The following CNTFR variants were observed in gnomAD, a reference collection of about 807,000 sequenced individuals.
CNTFR encodes ciliary neurotrophic factor receptor, also known as ciliary neurotrophic factor receptor subunit alpha.
Under a neutral mutation model 40.4 loss-of-function variants are expected in CNTFR, and 12 were observed. The observed-to-expected ratio is 0.30, with a 90% confidence interval of 0.19 to 0.48. The LOEUF (loss-of-function observed/expected upper bound fraction) is 0.48, where lower values mean the gene tolerates loss of function less well. Ranked by LOEUF, CNTFR falls within the 20% of genes least tolerant of loss-of-function variation. CNTFR has a pLI of 0.99. For missense variants in CNTFR, 414 were observed against 506.8 expected (o/e 0.82, Z 1.76); for synonymous variants, 202 against 209.6 (o/e 0.96, Z 0.31).
chr9:34,590,796 A>G (rs1180970580), upstream of CNTFR, among the ~76,000 whole-genome samples: 1 of 152,196 alleles, frequency 6.6e-6, no homozygotes, highest in Non-Finnish European at 1.5e-5. Context: ...GCAACATAGG[A>G]GAGTAAGGTT....
At chr9:34,577,833 G>A (rs1827060543) in intron 2 of CNTFR, among the ~76,000 whole-genome samples, 1 of 147,200 alleles carries the variant, frequency 6.8e-6, no homozygotes, top group African/African-American at 2.5e-5. Flanking sequence ...GAGAGACAGA[G>A]AAGAGAAAAG....
At position 34,570,725 on chromosome 9, in the gene CNTFR, G is replaced by A. The variant is rs1826569439; in HGVS notation, c.1-1744C>T. Among the ~76,000 whole-genome samples the A allele has an allele frequency of 2.0e-5, 3 of 152,182 alleles. No individual in the cohort carries two copies. In the South Asian group the frequency reaches 6.2e-4, roughly 32 times the overall value. The stretch of plus-strand genomic sequence containing the variant: ...AGCCAGACACACAGCCAGAAAAACT[G>A]ACAGAGACGCAGTGCCAGATATACC... On this transcript the variant is annotated intron_variant, in intron 2 of 9. Coordinates refer to ENST00000378980, the MANE Select transcript of CNTFR (RefSeq NM_147164.3).
At chr9:34,555,805 G>A (rs1387961494) in intron 7 of CNTFR, among the ~76,000 whole-genome samples, 1 of 152,038 alleles carries the variant, frequency 6.6e-6, no homozygotes, top group Non-Finnish European at 1.5e-5. Flanking sequence ...CAAGCCCAGA[G>A]CCTGGGCCAG....
chr9:34,576,025 C>T (rs940864572), intron 2 of CNTFR, among the ~76,000 whole-genome samples: 2 of 152,172 alleles, frequency 1.3e-5, no homozygotes, highest in Admixed American at 1.3e-4. Flanking sequence ...ACACACCAGC[C>T]ACTCAGGCCA....
chr9:34,559,626 T>TG (rs1197327290), intron 4 of CNTFR, among the ~76,000 whole-genome samples: 24 of 148,436 alleles, frequency 1.6e-4, no homozygotes, highest in African/African-American at 5.7e-4. Context: ...GGGGGTGGGG[T>TG]GGGGGGCGGC....
intron 1 of CNTFR, among the ~76,000 whole-genome samples, chr9:34,588,632 G>T (rs1827638289): frequency 6.6e-6 from 1 of 152,200 alleles, no homozygotes; most frequent in African/African-American, 2.4e-5. Flanking sequence ...TAGACGGAAA[G>T]AAAGAAAATC....
Position 34,557,843 on chromosome 9 carries a change from C to G in CNTFR, c.437+24G>C. 6.5e-7 allele frequency: 1 copy of G among 1,548,106 alleles called. No homozygotes were observed. The highest frequency in any genetic ancestry group is 1.4e-5 in the African/African-American group (1 of 73,502). On this transcript the variant is annotated intron_variant, in intron 5 of 9. Transcript: ENST00000378980. This position sits in a 1 kb window ranked among gnomAD's most constrained non-coding sequence, Gnocchi z 4.2. ...AGAGGTCAGAGGTCAGGGCTGGACC[C>G]GGGTCACAGGCGCAGCTACTCACAG...
intron 2 of CNTFR, among the ~76,000 whole-genome samples, chr9:34,579,244 T>C (rs1256645954): frequency 6.6e-6 from 1 of 152,008 alleles, no homozygotes; most frequent in Non-Finnish European, 1.5e-5. Flanking sequence ...GGATCCACGC[T>C]GCCTGATTAA....
chr9:34,564,507 G>A (rs2132159615), intron 4 of CNTFR, 92 bp downstream of exon 4: 2 of 1,179,324 alleles, frequency 1.7e-6, no homozygotes, highest in Non-Finnish European at 2.5e-6. Flanking sequence ...CCCTCTCCAT[G>A]TCCCCCTAAC....
At chr9:34,590,749 T>C (rs1021866592), upstream of CNTFR, among the ~76,000 whole-genome samples, 3 of 151,892 alleles carry the variant, frequency 2.0e-5, no homozygotes, top group Non-Finnish European at 2.9e-5. Context: ...GGGGCCGGGG[T>C]GTTCACTGCA....
intron 4 of CNTFR, among the ~76,000 whole-genome samples, chr9:34,563,110 G>A (rs755622935): frequency 5.3e-5 from 8 of 151,938 alleles, no homozygotes; most frequent in Non-Finnish European, 1.0e-4. Flanking sequence ...AATCCCAGAC[G>A]CTCAGACCCA....
At chr9:34,563,966 T>G (rs997615623) in intron 4 of CNTFR, among the ~76,000 whole-genome samples, 2 of 152,110 alleles carry the variant, frequency 1.3e-5, no homozygotes, top group African/African-American at 4.8e-5. Flanking sequence ...CCCCGTCCCT[T>G]CCTTCAGCTC....
chr9:34,581,044 C>T (rs1367773422), intron 2 of CNTFR, 51 bp downstream of exon 2: 1 of 152,534 alleles, frequency 6.6e-6, no homozygotes, highest in Non-Finnish European at 1.5e-5. Context: ...CCCCACTACA[C>T]CTGCCTGATT....
In CNTFR at chr9:34,564,739, T is replaced by C; in HGVS notation, c.179A>G (p.Asn60Ser). The C allele has an allele frequency of 6.2e-7, 1 of 1,614,010 alleles. No individual in the cohort carries two copies. Among genetic ancestry groups the C allele is most frequent in the Non-Finnish European group, 8.5e-7 (1 of 1,179,986 alleles). The change falls in exon 4 of 10, where the codon AAT becomes AGT. Residue 60 changes from asparagine to serine, a missense_variant. By Grantham distance (46) the Asn-to-Ser change is conservative (BLOSUM62 1). Coordinates refer to ENST00000378980, the MANE Select transcript of CNTFR (RefSeq NM_147164.3). Reference protein sequence around the residue: ...NWDAAVTWRVNGTDLAPDLLN... With the variant: ...NWDAAVTWRVSGTDLAPDLLN... ...CAGGTCAGGGGCCAGGTCTGTCCCA[T>C]TTACCCGCCACGTCACCGCAGCATC...
chr9:34,568,365 C>A (rs376695441), intron 3 of CNTFR, among the ~76,000 whole-genome samples: 1 of 152,166 alleles, frequency 6.6e-6, no homozygotes. Flanking sequence ...GCTGTCCCTC[C>A]CCCGTGTGGC....
intron 7 of CNTFR, among the ~76,000 whole-genome samples, chr9:34,555,962 C>G (rs1356300276): frequency 7.1e-6 from 1 of 139,868 alleles, no homozygotes. Context: ...CCATCTCCCT[C>G]CCCCGCCATC....
intron 3 of CNTFR, among the ~76,000 whole-genome samples, chr9:34,567,335 C>T (rs1826354141): frequency 6.6e-6 from 1 of 152,164 alleles, no homozygotes; most frequent in Admixed American, 6.5e-5. Flanking sequence ...CACACCTGCA[C>T]ACACAGGCTC....
rs1827410316 is a variant in CNTFR at position 34,583,494 on chromosome 9, A to T, written c.-111-2289T>A. Among the ~76,000 whole-genome samples the T allele has an allele frequency of 3.9e-5, 6 of 152,146 alleles. No homozygotes were observed. The South Asian group carries it at 1.2e-3, about 32-fold the overall frequency. ...CCAGGACAGGGGTCCTCACCCCATC[A>T]TTCCAATCCCAGACAGCCCGAATCT... is the stretch of plus-strand genomic sequence containing the variant. On this transcript the variant is annotated intron_variant, in intron 1 of 9. Coordinates refer to ENST00000378980, the MANE Select transcript of CNTFR (RefSeq NM_147164.3).
chr9:34,559,929 C>T (rs1439938345), intron 4 of CNTFR, among the ~76,000 whole-genome samples: 4 of 152,120 alleles, frequency 2.6e-5, no homozygotes, highest in Non-Finnish European at 5.9e-5. Context: ...GACCGCGTCC[C>T]CTTCCAACCT....
Sources: gnomAD v4.1 joint callset for allele counts (sites outside exome capture counted in the v4.1 genomes callset) on GRCh38, gnomAD v4.1.1 for gene constraint, Gnocchi (gnomAD v3.1) non-coding constraint, MANE v1.5 for transcripts, NCBI Gene and HGNC (gene_info 2026-07-23, HGNC 2026-07-21) for gene names.